TANC2: variants seen among roughly 807,000 people sequenced by gnomAD.
TANC2 encodes the protein protein TANC2.
In TANC2, 26 loss-of-function variants were observed where a neutral mutation model predicts 210.5. The ratio of observed to expected loss-of-function variants is 0.12; its 90% CI spans 0.09 to 0.17. The LOEUF (loss-of-function observed/expected upper bound fraction) is 0.17, where lower values mean the gene tolerates loss of function less well. Among genes scored for constraint, TANC2 ranks in the 10% least tolerant of loss-of-function variants. The pLI is 1.00. For synonymous variants in TANC2, 931 were observed against 967.1 expected (o/e 0.96, Z 0.69); for missense variants, 2,129 against 2,608.9 (o/e 0.82, Z 4.01).
Position 63,412,459 on chromosome 17 carries a change from C to G in TANC2, c.3899-221C>G, listed in dbSNP as rs1196110230. ...TCCTGGATCTCTGCGCTGCCGTGAG[C>G]CTTTGCTTTCCCTTGCTCTGAATGT... On this transcript the variant is annotated intron_variant, in intron 23 of 27. Transcript: ENST00000689528. The surrounding 1 kb of genome is among the most constrained non-coding windows in gnomAD (Gnocchi z 4.2). Among the ~76,000 whole-genome samples the G allele has an allele frequency of 6.6e-6, 1 of 152,188 alleles. No homozygotes were observed. The highest frequency in any genetic ancestry group is 1.5e-5 in the Non-Finnish European group (1 of 68,026).
chr17:63,099,467 T>G, intron 4 of TANC2, 110 bp downstream of exon 4: 1 of 712,170 alleles, frequency 1.4e-6, no homozygotes. Context: ...CTCTCTGGCC[T>G]TCCTAATGTC....
At chr17:63,057,896 A>G (rs557873429) in intron 2 of TANC2, among the ~76,000 whole-genome samples, 8 of 152,238 alleles carry the variant, frequency 5.3e-5, no homozygotes, top group African/African-American at 1.9e-4. Context: ...ATGAACATAC[A>G]TGTGTATGTG....
At chr17:63,182,500 CA>C (rs895300109) in intron 5 of TANC2, 8 of 260,050 alleles carry the variant, frequency 3.1e-5, no homozygotes, top group African/African-American at 1.8e-4. Context: ...GGAAGGGACC[CA>C]TTTTTATTCA....
chr17:63,398,263 G>C (rs1464353932), intron 18 of TANC2, among the ~76,000 whole-genome samples: 2 of 152,034 alleles, frequency 1.3e-5, no homozygotes, highest in Admixed American at 6.5e-5. Context: ...TGGACAACAT[G>C]GCAAGACCCA....
chr17:63,298,317 G>A (rs1322166846), intron 9 of TANC2, among the ~76,000 whole-genome samples: 1 of 152,184 alleles, frequency 6.6e-6, no homozygotes, highest in African/African-American at 2.4e-5. Context: ...ATCAGTGGAT[G>A]AATGGATAAG....
At chr17:63,168,655 T>C (rs1436420306) in intron 5 of TANC2, among the ~76,000 whole-genome samples, 2 of 152,238 alleles carry the variant, frequency 1.3e-5, no homozygotes, top group Non-Finnish European at 2.9e-5. Context: ...TATCATGTCC[T>C]ATAACCATTA....
At chr17:63,069,853 A>G (rs1229793308) in intron 2 of TANC2, among the ~76,000 whole-genome samples, 2 of 152,128 alleles carry the variant, frequency 1.3e-5, no homozygotes, top group Non-Finnish European at 2.9e-5. Context: ...AAATTAAATA[A>G]AAGGAGTAGG....
chr17:63,364,386 T>A (rs2047051133), intron 14 of TANC2, among the ~76,000 whole-genome samples: 1 of 152,156 alleles, frequency 6.6e-6, no homozygotes, highest in Non-Finnish European at 1.5e-5. Flanking sequence ...AAATGAAATT[T>A]GGAAAAAGCT....
chr17:63,405,208 C>G (rs2048464266), exon 20 of TANC2: 1 of 1,609,060 alleles, frequency 6.2e-7, no homozygotes, highest in Non-Finnish European at 8.5e-7. Context: ...GCCAAACCGC[C>G]GAGGAGCAGT....
intron 9 of TANC2, among the ~76,000 whole-genome samples, chr17:63,309,771 A>G (rs2146551012): frequency 6.7e-6 from 1 of 149,148 alleles, no homozygotes; most frequent in South Asian, 2.1e-4. Flanking sequence ...AAAAAATAAG[A>G]ATAATGATGG....
chr17:63,250,308 A>AT (rs1412002196), intron 8 of TANC2, among the ~76,000 whole-genome samples: 20 of 151,918 alleles, frequency 1.3e-4, no homozygotes, highest in African/African-American at 4.8e-4. Context: ...TTATTTATTT[A>AT]TGAATGAATG....
intron 4 of TANC2, among the ~76,000 whole-genome samples, chr17:63,105,451 CAT>C (rs1341900747): frequency 6.6e-6 from 1 of 151,720 alleles, no homozygotes; most frequent in African/African-American, 2.4e-5. Flanking sequence ...TGTTATTCTA[CAT>C]AGTCTGATAT....
At position 63,418,331 on chromosome 17, in the gene TANC2, GCTA is replaced by G. The variant is rs774851371; in HGVS notation, c.4196_4198del (p.Thr1399del). On this transcript the variant is annotated inframe_deletion, in exon 27 of 28. Transcript: ENST00000689528. This position sits in a 1 kb window ranked among gnomAD's most constrained non-coding sequence, Gnocchi z 4.6. ...GGATTTTGGAATGGCGGAGGAATTT[GCTA>G]CTAAGGCCCTGGAGCTGAAACCGAA... The G allele has an allele frequency of 1.2e-6, 2 of 1,613,292 alleles. No individual in the cohort carries two copies. The highest frequency in any genetic ancestry group is 1.7e-6 in the Non-Finnish European group (2 of 1,179,734).
chr17:63,210,501 T>C (rs984012390), intron 7 of TANC2, among the ~76,000 whole-genome samples: 4 of 152,216 alleles, frequency 2.6e-5, no homozygotes, highest in African/African-American at 9.6e-5. Flanking sequence ...TTTATTTTCT[T>C]TATGTAAGCT....
chr17:62,994,314 T>G (rs1056594118), intron 1 of TANC2, among the ~76,000 whole-genome samples: 1 of 151,468 alleles, frequency 6.6e-6, no homozygotes, highest in African/African-American at 2.4e-5. Context: ...CCTGAGTATC[T>G]GGGATTACAG....
At chr17:63,411,484 G>C in intron 21 of TANC2, 27 bp from the exon 22 acceptor site, 1 of 1,593,158 alleles carries the variant, frequency 6.3e-7, no homozygotes, top group Non-Finnish European at 8.5e-7. Context: ...TGTCTCCTCA[G>C]CCCTGTGCTA....
intron 3 of TANC2, among the ~76,000 whole-genome samples, chr17:63,079,795 T>G (rs1265972608): frequency 6.6e-6 from 1 of 152,190 alleles, no homozygotes; most frequent in African/African-American, 2.4e-5. Flanking sequence ...TTCTTTCCTT[T>G]GTGTTAACAA....
In TANC2 at chr17:63,178,489, A is replaced by G. The variant is rs115406632; in HGVS notation, c.434-15502A>G. On this transcript the variant is annotated intron_variant, in intron 5 of 27. Transcript: ENST00000689528. Reference sequence around the variant, plus strand: ...TGCCTTTTTCAACATTTGTTGTGACAAATTGCGGCCCCTGCTTTTAGCAGC... The same window carrying G: ...TGCCTTTTTCAACATTTGTTGTGACGAATTGCGGCCCCTGCTTTTAGCAGC... Among the ~76,000 whole-genome samples the G allele has an allele frequency of 8.5e-3, 1,291 of 152,308 alleles. 16 individuals are homozygous for G. Among genetic ancestry groups the G allele is most frequent in the African/African-American group, 0.028 (1,182 of 41,542 alleles).
Position 63,326,589 on chromosome 17 carries a change from G to A in TANC2, c.1575+7499G>A, listed in dbSNP as rs187642730. On this transcript the variant is annotated intron_variant, in intron 11 of 27. Transcript: ENST00000689528. ...TATGAAGAAAAAAAAAATTAGCTGA[G>A]CGTAATGACAAGTGCTTATAGTCCC... is the stretch of plus-strand genomic sequence containing the variant. 5.4e-3 allele frequency among the ~76,000 whole-genome samples: 823 copies of A among 152,092 alleles called. 10 individuals are homozygous for A. The highest frequency in any genetic ancestry group is 0.019 in the African/African-American group (791 of 41,488).
Sources: gnomAD v4.1 joint callset for allele counts (sites outside exome capture counted in the v4.1 genomes callset) on GRCh38, gnomAD v4.1.1 for gene constraint, Gnocchi (gnomAD v3.1) non-coding constraint, MANE v1.5 for transcripts, NCBI Gene and HGNC (gene_info 2026-07-23, HGNC 2026-07-21) for gene names.